DACH2: variants seen among roughly 807,000 people sequenced by gnomAD.
The protein encoded by DACH2 is dachshund homolog 2.
In DACH2, 17 loss-of-function variants were observed where a neutral mutation model predicts 35.8. The ratio of observed to expected loss-of-function variants is 0.48; its 90% CI spans 0.33 to 0.71. DACH2 has a LOEUF of 0.71. Ranked by LOEUF, DACH2 falls within the 30% of genes least tolerant of loss-of-function variation. The pLI, the probability that DACH2 is intolerant of heterozygous loss-of-function variation, is 0.02. For missense variants in DACH2, 469 were observed against 472.7 expected (o/e 0.99, Z 0.07); for synonymous variants, 195 against 177.3 (o/e 1.10, Z -0.79).
At chrX:86,730,965 AT>A (rs2041526599) in intron 6 of DACH2, among the ~76,000 whole-genome samples, 1 of 111,624 alleles carries the variant, frequency 9.0e-6, no homozygotes, top group Non-Finnish European at 1.9e-5. Flanking sequence ...CACGAAATAC[AT>A]TTGTTTTCAT....
chrX:86,330,004 T>A, intron 1 of DACH2, among the ~76,000 whole-genome samples: 1 of 111,838 alleles, frequency 8.9e-6, no homozygotes, highest in Non-Finnish European at 1.9e-5. Flanking sequence ...TTGAGATAAC[T>A]AGAATAGTGG....
chrX:86,489,199 C>G (rs55762253), intron 2 of DACH2, among the ~76,000 whole-genome samples: 1 of 110,413 alleles, frequency 9.1e-6, no homozygotes, highest in Non-Finnish European at 1.9e-5. Flanking sequence ...AAGATTCATA[C>G]CTCATATTTC....
intron 1 of DACH2, among the ~76,000 whole-genome samples, chrX:86,202,969 A>G (rs747153896): frequency 9.0e-6 from 1 of 111,178 alleles, no homozygotes; most frequent in Non-Finnish European, 1.9e-5. Flanking sequence ...CATATTAATA[A>G]TATTATCATA....
intron 7 of DACH2, among the ~76,000 whole-genome samples, chrX:86,757,503 T>A (rs2041840554): frequency 1.8e-5 from 2 of 112,163 alleles, no homozygotes; most frequent in South Asian, 7.3e-4. Flanking sequence ...GGTCCTGGAC[T>A]TTTTTTCTTA....
intron 2 of DACH2, among the ~76,000 whole-genome samples, chrX:86,511,631 T>C (rs894931023): frequency 3.6e-5 from 4 of 111,972 alleles, no homozygotes; most frequent in African/African-American, 1.3e-4. Context: ...GGTTACATTT[T>C]ACCCTCTGTG....
At position 86,548,133 on chromosome X, in the gene DACH2, A is replaced by G. The variant is rs751623274; in HGVS notation, c.640+33742A>G. Among the ~76,000 whole-genome samples the G allele has an allele frequency of 4.5e-5, 5 of 111,871 alleles. No homozygotes were observed. The South Asian group carries it at 1.8e-3, about 41-fold the overall frequency. ...TTTATTTTATTCTCTTTCATTTATT[A>G]TGCTTATTTCAGCTAATCTACTTAG... On this transcript the variant is annotated intron_variant, in intron 3 of 11. Coordinates refer to ENST00000373125, the MANE Select transcript of DACH2 (RefSeq NM_053281.3).
chrX:86,607,817 T>C (rs1276065833), intron 3 of DACH2, among the ~76,000 whole-genome samples: 1 of 100,779 alleles, frequency 9.9e-6, no homozygotes, highest in East Asian at 3.4e-4. Flanking sequence ...ATTGTTCAAT[T>C]CTCACCTATA....
intron 3 of DACH2, among the ~76,000 whole-genome samples, chrX:86,611,636 T>G (rs781520201): frequency 9.0e-6 from 1 of 110,991 alleles, no homozygotes; most frequent in Non-Finnish European, 1.9e-5. Context: ...TGGTCTAAAT[T>G]CTCCCTCTGT....
intron 3 of DACH2, among the ~76,000 whole-genome samples, chrX:86,529,363 A>G (rs141662890): frequency 9.2e-6 from 1 of 108,398 alleles, no homozygotes; most frequent in East Asian, 3.0e-4. Flanking sequence ...TATTCTTTCT[A>G]TCAAACTGTA....
At chrX:86,200,399 C>T (rs1398070834) in intron 1 of DACH2, among the ~76,000 whole-genome samples, 1 of 110,473 alleles carries the variant, frequency 9.1e-6, no homozygotes, top group Non-Finnish European at 1.9e-5. Flanking sequence ...CCAAAGATGC[C>T]AAAAGCAATT....
In DACH2 at chrX:86,384,805, A is replaced by AAAT. The variant is rs756436198; in HGVS notation, c.527+7945_527+7947dup. On this transcript the variant is annotated intron_variant, in intron 2 of 11. Transcript: ENST00000373125. ...AGTGATATTCATAATTTATGATTCA[A>AAAT]AATACTGTATCATCTGAGACAGTGT... Among the ~76,000 whole-genome samples, 9 of 112,056 alleles carry AAAT rather than the reference A, an allele frequency of 8.0e-5. No individual in the cohort carries two copies. In the East Asian group the frequency reaches 2.5e-3, roughly 31 times the overall value.
intron 1 of DACH2, among the ~76,000 whole-genome samples, chrX:86,288,140 A>G (rs1019885160): frequency 8.9e-6 from 1 of 112,533 alleles, no homozygotes; most frequent in Admixed American, 9.4e-5. Context: ...GCAGACTCCT[A>G]GAGGTATTAC....
chrX:86,780,932 T>C (rs2042083373), intron 7 of DACH2, among the ~76,000 whole-genome samples: 1 of 111,517 alleles, frequency 9.0e-6, no homozygotes, highest in Non-Finnish European at 1.9e-5. Flanking sequence ...GTGGAAAGGC[T>C]GATGGCAGCA....
intron 2 of DACH2, among the ~76,000 whole-genome samples, chrX:86,417,876 C>G (rs1208428275): frequency 1.8e-5 from 2 of 111,657 alleles, no homozygotes; most frequent in African/African-American, 6.5e-5. Context: ...CAAGTACCTT[C>G]TGCTTATGAG....
chrX:86,571,888 T>A (rs1288252985), intron 3 of DACH2, among the ~76,000 whole-genome samples: 1 of 111,325 alleles, frequency 9.0e-6, no homozygotes, highest in Non-Finnish European at 1.9e-5. Context: ...CATGGACATA[T>A]ATAGCTCTCC....
chrX:86,405,192 A>G (rs2036506907), intron 2 of DACH2, among the ~76,000 whole-genome samples: 1 of 111,643 alleles, frequency 9.0e-6, no homozygotes, highest in African/African-American at 3.3e-5. Flanking sequence ...TTGGTGATTA[A>G]CATTTGCCTT....
At chrX:86,778,856 G>A (rs772801461) in intron 7 of DACH2, among the ~76,000 whole-genome samples, 16 of 111,650 alleles carry the variant, frequency 1.4e-4, no homozygotes, top group African/African-American at 2.9e-4. Flanking sequence ...TGATCTACCC[G>A]CCTTGGCCTC....
rs779644112 is a variant in DACH2 at position 86,440,333 on chromosome X, GA to G, written c.527+63476del. ...CTTTAAGGTTGTCTGTGTCTTTTTG[GA>G]AAAATTGACTCCTCTCTCATTTTGT... On this transcript the variant is annotated intron_variant, in intron 2 of 11. Transcript: ENST00000373125. 2.7e-4 allele frequency among the ~76,000 whole-genome samples: 30 copies of G among 110,708 alleles called. No individual in the cohort carries two copies. The East Asian group carries it at 3.4e-3, about 13-fold the overall frequency.
At chrX:86,776,049 A>G (rs981392224) in intron 7 of DACH2, among the ~76,000 whole-genome samples, 12 of 111,543 alleles carry the variant, frequency 1.1e-4, no homozygotes, top group African/African-American at 3.9e-4. Flanking sequence ...TAATAACTAT[A>G]ACATGCTTTT....
Sources: gnomAD v4.1 joint callset for allele counts (sites outside exome capture counted in the v4.1 genomes callset) on GRCh38, gnomAD v4.1.1 for gene constraint, MANE v1.5 for transcripts, NCBI Gene and HGNC (gene_info 2026-07-23, HGNC 2026-07-21) for gene names.